Variants in MAP4K4 observed in about 807,000 individuals in gnomAD.
MAP4K4 encodes HPK/GCK-like kinase HGK.
Under a neutral mutation model 189.6 loss-of-function variants are expected in MAP4K4, and 38 were observed. The ratio of observed to expected loss-of-function variants is 0.20; its 90% CI spans 0.15 to 0.26. The LOEUF (loss-of-function observed/expected upper bound fraction) is 0.26, where lower values mean the gene tolerates loss of function less well. MAP4K4 is among the 10% of genes least tolerant of loss of function. MAP4K4 has a pLI of 1.00. For missense variants in MAP4K4, 1,054 were observed against 1,726.9 expected, an observed-to-expected ratio of 0.61 and a Z score of 6.91; for synonymous variants, 610 against 624.3, an observed-to-expected ratio of 0.98 and a Z score of 0.34.
chr2:101,762,737 G>A (rs896786684), intron 2 of MAP4K4, among the ~76,000 whole-genome samples: 1 of 152,158 alleles, frequency 6.6e-6, no homozygotes, highest in Non-Finnish European at 1.5e-5. Flanking sequence ...TCTCACTGGG[G>A]CTAGCAGAGG....
chr2:101,785,718 CT>C (rs2090568046), intron 2 of MAP4K4, among the ~76,000 whole-genome samples: 2 of 8,490 alleles, frequency 2.4e-4, no homozygotes, highest in Non-Finnish European at 1.9e-4. Context: ...CTCTCTCTCT[CT>C]CTCTCTCTCT....
At chr2:101,718,424 A>G (rs895431102) in intron 2 of MAP4K4, among the ~76,000 whole-genome samples, 1 of 151,728 alleles carries the variant, frequency 6.6e-6, no homozygotes, top group Non-Finnish European at 1.5e-5. Flanking sequence ...AAGGCATTTC[A>G]GTCCTGACTT....
chr2:101,857,170 G>A (rs1391114068), intron 13 of MAP4K4, among the ~76,000 whole-genome samples: 1 of 152,094 alleles, frequency 6.6e-6, no homozygotes, highest in African/African-American at 2.4e-5. Context: ...GGGTGTGATG[G>A]TAGCAATTCA....
At chr2:101,782,798 C>T (rs897158205) in intron 2 of MAP4K4, among the ~76,000 whole-genome samples, 1 of 152,156 alleles carries the variant, frequency 6.6e-6, no homozygotes, top group Non-Finnish European at 1.5e-5. Flanking sequence ...TCTTAGATGG[C>T]TCCTGGAGAG....
chr2:101,839,781 T>C, intron 9 of MAP4K4, 38 bp from the exon 10 acceptor site: 1 of 1,486,488 alleles, frequency 6.7e-7, no homozygotes, highest in Non-Finnish European at 9.0e-7. Flanking sequence ...CTTTACTCTT[T>C]GTGGTGGAAA....
intron 18 of MAP4K4, among the ~76,000 whole-genome samples, chr2:101,865,644 C>G (rs2097789137): frequency 6.6e-6 from 1 of 152,114 alleles, no homozygotes; most frequent in Admixed American, 6.5e-5. Context: ...TGATATTATC[C>G]AGCTCAAATA....
intron 12 of MAP4K4, among the ~76,000 whole-genome samples, chr2:101,855,597 T>C (rs1211763505): frequency 6.6e-6 from 1 of 152,234 alleles, no homozygotes; most frequent in African/African-American, 2.4e-5. Flanking sequence ...GCTGTATTTC[T>C]ATTTCCCTTT....
At chr2:101,821,690 C>G (rs1027755884) in intron 3 of MAP4K4, among the ~76,000 whole-genome samples, 1 of 152,148 alleles carries the variant, frequency 6.6e-6, no homozygotes, top group Non-Finnish European at 1.5e-5. Flanking sequence ...TCTGTACTGA[C>G]ATTACTGGTA....
chr2:101,834,336 G>A, intron 7 of MAP4K4, 73 bp from the exon 8 acceptor site: 1 of 1,128,134 alleles, frequency 8.9e-7, no homozygotes, highest in Non-Finnish European at 1.3e-6. Context: ...AAAGTTGTGT[G>A]AATACCCAGA....
chr2:101,719,135 G>T (rs1348440420), intron 2 of MAP4K4, among the ~76,000 whole-genome samples: 1 of 152,200 alleles, frequency 6.6e-6, no homozygotes, highest in Non-Finnish European at 1.5e-5. Flanking sequence ...CAGAGAGTGA[G>T]GGACTTTGTG....
chr2:101,720,157 TG>T (rs2050917094), intron 2 of MAP4K4, among the ~76,000 whole-genome samples: 1 of 150,094 alleles, frequency 6.7e-6, no homozygotes, highest in Non-Finnish European at 1.5e-5. Context: ...TTGTGTTTTT[TG>T]GGGCAGTGGT....
chr2:101,828,373 A>C lies in MAP4K4; in HGVS notation c.418-1131A>C, dbSNP rs372907284. 1.3e-3 allele frequency among the ~76,000 whole-genome samples: 199 copies of C among 152,318 alleles called. 1 individual carries two copies. Among genetic ancestry groups the C allele is most frequent in the African/African-American group, 4.5e-3 (186 of 41,590 alleles). ...TTTGAAGTTATACCAAGCTGAGAGG[A>C]GGTGCTTTGTTCCTAACTATAGCAA... On this transcript the variant is annotated intron_variant, in intron 5 of 32. Coordinates refer to ENST00000324219, the Ensembl canonical transcript of MAP4K4.
intron 15 of MAP4K4, 48 bp from the exon 16 acceptor site, chr2:101,860,777 C>T (rs374142896): frequency 2.8e-6 from 4 of 1,454,482 alleles, no homozygotes; most frequent in Non-Finnish European, 2.8e-6. Context: ...GATATTTCTG[C>T]TTTTCCCCTA....
At chr2:101,761,983 G>T (rs895588424) in intron 2 of MAP4K4, among the ~76,000 whole-genome samples, 2 of 152,202 alleles carry the variant, frequency 1.3e-5, no homozygotes, top group African/African-American at 4.8e-5. Context: ...TGATTGTGTA[G>T]ACCTGGGTGG....
intron 3 of MAP4K4, among the ~76,000 whole-genome samples, chr2:101,821,480 G>A (rs571364422): frequency 3.3e-5 from 5 of 152,182 alleles, no homozygotes; most frequent in Non-Finnish European, 7.3e-5. Flanking sequence ...GTAGGCAATT[G>A]TAAAATAATA....
intron 28 of MAP4K4, 38 bp from the exon 29 acceptor site, chr2:101,885,149 C>T (rs756958491): frequency 8.5e-7 from 1 of 1,176,968 alleles, no homozygotes; most frequent in Non-Finnish European, 1.2e-6. Context: ...TTGATACTGA[C>T]CTGTGCTTCT....
At chr2:101,703,710 C>T (rs2149187957) in intron 2 of MAP4K4, among the ~76,000 whole-genome samples, 1 of 150,770 alleles carries the variant, frequency 6.6e-6, no homozygotes, top group African/African-American at 2.4e-5. Flanking sequence ...TATAGATTGT[C>T]TGGCTTTTAA....
At position 101,823,235 on chromosome 2, in the gene MAP4K4, A is replaced by G. The variant is rs185192981; in HGVS notation, c.181-693A>G. Among the ~76,000 whole-genome samples the G allele has an allele frequency of 3.5e-3, 531 of 152,218 alleles. 2 individuals are homozygous for G. The highest frequency in any genetic ancestry group is 0.012 in the African/African-American group (516 of 41,524). On this transcript the variant is annotated intron_variant, in intron 3 of 32. Coordinates refer to ENST00000324219, the Ensembl canonical transcript of MAP4K4. ...TTCCCCACCCTGATCTTCTCACACA[A>G]ACTCTGGGTTTCTTCCTCTGCTCAT...
At chr2:101,871,264 A>G (rs1000929302) in intron 23 of MAP4K4, among the ~76,000 whole-genome samples, 3 of 152,204 alleles carry the variant, frequency 2.0e-5, no homozygotes, top group Non-Finnish European at 4.4e-5. Flanking sequence ...ACCAGATTAA[A>G]CACTCACTGC....
Sources: allele counts gnomAD v4.1 joint callset (sites outside exome capture counted in the v4.1 genomes callset), GRCh38; gene constraint gnomAD v4.1.1; transcripts MANE v1.5; gene names NCBI Gene and HGNC (gene_info 2026-07-23, HGNC 2026-07-21).